Variants in SYT1 observed in about 807,000 individuals in gnomAD.
SYT1 encodes the protein synaptotagmin-1.
SYT1 carries 8 observed loss-of-function variants against 44.8 expected under a neutral mutation model. The ratio of observed to expected loss-of-function variants is 0.18; its 90% CI spans 0.10 to 0.32. The LOEUF is 0.32. Among genes scored for constraint, SYT1 ranks in the 10% least tolerant of loss-of-function variants. SYT1 has a pLI of 1.00. For missense variants in SYT1, 286 were observed against 509.3 expected (o/e 0.56, Z 4.22); for synonymous variants, 154 against 188.8 (o/e 0.82, Z 1.51).
intron 8 of SYT1, among the ~76,000 whole-genome samples, chr12:79,349,113 G>A (rs558798035): frequency 1.3e-5 from 2 of 149,682 alleles, no homozygotes; most frequent in African/African-American, 4.9e-5. Context: ...ACAAACAGGA[G>A]GAAGGGAGGA....
chr12:79,192,976 C>G (rs1337589632), intron 3 of SYT1, among the ~76,000 whole-genome samples: 1 of 152,040 alleles, frequency 6.6e-6, no homozygotes, highest in African/African-American at 2.4e-5. Context: ...GCTAATTATA[C>G]CTGAATTAAG....
chr12:79,409,775 T>C (rs1484245583), intron 9 of SYT1, among the ~76,000 whole-genome samples: 2 of 152,092 alleles, frequency 1.3e-5, no homozygotes, highest in Non-Finnish European at 2.9e-5. Flanking sequence ...AATATGGTAG[T>C]AGGAGAGGAT....
rs763379043 is a variant in SYT1 at position 79,291,973 on chromosome 12, C to G, written c.352-35C>G. On this transcript the variant is annotated intron_variant, in intron 5 of 10. Coordinates refer to ENST00000261205, the MANE Select transcript of SYT1 (RefSeq NM_005639.3). ...TTCAATTTGAGTTTTGATGAAAACT[C>G]TGAAATTCACATGTGATCCTTTCTC... 21 of 1,611,918 alleles carry G rather than the reference C, an allele frequency of 1.3e-5. No homozygotes were observed. The African/African-American group carries it at 2.7e-4, about 21-fold the overall frequency.
intron 3 of SYT1, among the ~76,000 whole-genome samples, chr12:79,215,110 T>C (rs1376672394): frequency 6.6e-6 from 1 of 152,092 alleles, no homozygotes; most frequent in East Asian, 1.9e-4. Context: ...GCTCCTAAAC[T>C]GAACAAAATC....
chr12:79,264,138 A>G (rs1418348246), intron 4 of SYT1, among the ~76,000 whole-genome samples: 1 of 151,840 alleles, frequency 6.6e-6, no homozygotes, highest in South Asian at 2.1e-4. Context: ...TTTACCATCT[A>G]TGAATAAAGA....
At chr12:79,225,003 A>T (rs954202221) in intron 4 of SYT1, among the ~76,000 whole-genome samples, 20 of 151,468 alleles carry the variant, frequency 1.3e-4, no homozygotes, top group Non-Finnish European at 2.7e-4. Context: ...CTGGTCTCGA[A>T]CTCCCGACCT....
chr12:78,971,421 A>G (rs1251824335), intron 1 of SYT1, among the ~76,000 whole-genome samples: 4 of 152,220 alleles, frequency 2.6e-5, no homozygotes, highest in Non-Finnish European at 5.9e-5. Flanking sequence ...TTCACAGCAT[A>G]GTCTGTGTTG....
At chr12:79,095,527 A>C (rs1031611663) in intron 3 of SYT1, among the ~76,000 whole-genome samples, 3 of 151,912 alleles carry the variant, frequency 2.0e-5, no homozygotes, top group African/African-American at 7.2e-5. Flanking sequence ...TTATTACAAA[A>C]GTGATTCAAA....
At chr12:79,395,792 T>C (rs1884845272) in intron 9 of SYT1, among the ~76,000 whole-genome samples, 1 of 147,080 alleles carries the variant, frequency 6.8e-6, no homozygotes, top group South Asian at 2.3e-4. Flanking sequence ...GGGAAAAGAA[T>C]ATAGAAATAT....
rs74110327 is a variant in SYT1 at position 79,322,069 on chromosome 12, A to G, written c.810+22518A>G. On this transcript the variant is annotated intron_variant, in intron 8 of 10. Coordinates refer to ENST00000261205, the MANE Select transcript of SYT1 (RefSeq NM_005639.3). ...TCCCACCGCCCCTCTCATTCTCAGT[A>G]TACAGTCTGGTCAATGTTCCCTAAG... Among the ~76,000 whole-genome samples the G allele has an allele frequency of 4.0e-3, 603 of 152,276 alleles. 5 individuals carry two copies. The highest frequency in any genetic ancestry group is 0.014 in the African/African-American group (585 of 41,546).
chr12:78,953,344 T>C (rs540135323), intron 1 of SYT1, among the ~76,000 whole-genome samples: 1 of 152,280 alleles, frequency 6.6e-6, no homozygotes, highest in African/African-American at 2.4e-5. Flanking sequence ...ATTGCTCATG[T>C]GCTGCTATTG....
intron 8 of SYT1, among the ~76,000 whole-genome samples, chr12:79,351,189 A>T (rs1310358316): frequency 6.6e-6 from 1 of 152,226 alleles, no homozygotes; most frequent in African/African-American, 2.4e-5. Flanking sequence ...CTTTAAAATT[A>T]CAAGTAACAT....
intron 1 of SYT1, among the ~76,000 whole-genome samples, chr12:78,900,080 T>C (rs952756025): frequency 2.0e-5 from 3 of 152,046 alleles, no homozygotes; most frequent in Admixed American, 1.3e-4. Flanking sequence ...TAAATGGTCA[T>C]TGAAAATTGC....
At chr12:79,164,931 A>C (rs1423646127) in intron 3 of SYT1, among the ~76,000 whole-genome samples, 4 of 152,010 alleles carry the variant, frequency 2.6e-5, no homozygotes. Context: ...ATATCTAGAG[A>C]GGTAACCTTT....
intron 9 of SYT1, among the ~76,000 whole-genome samples, chr12:79,414,950 G>T (rs1397335539): frequency 2.6e-5 from 4 of 152,238 alleles, no homozygotes; most frequent in African/African-American, 9.6e-5. Flanking sequence ...CAAATCTCTG[G>T]TCTCATGGCT....
chr12:79,047,374 A>T lies in SYT1; in HGVS notation c.-18+12A>T, dbSNP rs1260437794. On this transcript the variant is annotated intron_variant, in intron 3 of 10. Transcript: ENST00000261205. ...TTCCTAATAGAACAGTAAGTACTTT[A>T]ATGACACAATGATGATAATAAATCT... The T allele has an allele frequency of 2.6e-5, 4 of 151,866 alleles. No homozygotes were observed. Among genetic ancestry groups the T allele is most frequent in the African/African-American group, 9.6e-5 (4 of 41,452 alleles). 9.4% of individuals were successfully genotyped at this position (151,866 alleles called of 1,614,324 possible).
At chr12:79,239,634 A>T (rs985590308) in intron 4 of SYT1, among the ~76,000 whole-genome samples, 1 of 152,242 alleles carries the variant, frequency 6.6e-6, no homozygotes, top group Non-Finnish European at 1.5e-5. Flanking sequence ...TTGCTACAAT[A>T]TTAGTGGCTT....
intron 2 of SYT1, chr12:79,045,596 C>G (rs1873983335): frequency 6.5e-6 from 1 of 154,200 alleles, no homozygotes; most frequent in Non-Finnish European, 1.4e-5. Context: ...GTCACTCACG[C>G]TGGGAGCTGT....
At chr12:79,124,709 A>G (rs895723672) in intron 3 of SYT1, among the ~76,000 whole-genome samples, 9 of 152,156 alleles carry the variant, frequency 5.9e-5, no homozygotes, top group African/African-American at 1.9e-4. Flanking sequence ...GTAGAAAATA[A>G]GACTCTTCCA....
Sources: allele counts gnomAD v4.1 joint callset (sites outside exome capture counted in the v4.1 genomes callset), GRCh38; gene constraint gnomAD v4.1.1; transcripts MANE v1.5; gene names NCBI Gene and HGNC (gene_info 2026-07-23, HGNC 2026-07-21).